CCSER1: variants seen among roughly 807,000 people sequenced by gnomAD.
CCSER1 encodes coiled-coil serine rich protein 1.
A neutral mutation model predicts 82.0 loss-of-function variants in CCSER1; 41 were observed. That is an observed-to-expected ratio of 0.50 (90% CI 0.39 to 0.65). CCSER1 has a LOEUF of 0.65. Among genes scored for constraint, CCSER1 ranks in the 30% least tolerant of loss-of-function variants. The probability of loss-of-function intolerance (pLI) is 0.00; values close to 1 mark genes in which losing one functional copy is unlikely to be tolerated. For synonymous variants in CCSER1, 414 were observed against 383.9 expected, an observed-to-expected ratio of 1.08 and a Z score of -0.92; for missense variants, 1,119 against 1,064.2, an observed-to-expected ratio of 1.05 and a Z score of -0.72.
At chr4:90,455,631 A>G (rs1368097357) in intron 4 of CCSER1, among the ~76,000 whole-genome samples, 1 of 152,204 alleles carries the variant, frequency 6.6e-6, no homozygotes, top group African/African-American at 2.4e-5. Flanking sequence ...TTATATCCCT[A>G]AATCCCCGTG....
chr4:90,477,670 C>T (rs1765299569), intron 5 of CCSER1, among the ~76,000 whole-genome samples: 1 of 151,666 alleles, frequency 6.6e-6, no homozygotes, highest in South Asian at 2.1e-4. Flanking sequence ...AGCCCTTTTA[C>T]AACAAATGTT....
chr4:91,331,788 A>G (rs1162816942), intron 10 of CCSER1, among the ~76,000 whole-genome samples: 1 of 152,166 alleles, frequency 6.6e-6, no homozygotes, highest in African/African-American at 2.4e-5. Flanking sequence ...CTTTATCACA[A>G]GCTGCATGTA....
At chr4:90,448,855 C>T (rs1761059741) in intron 4 of CCSER1, among the ~76,000 whole-genome samples, 1 of 152,016 alleles carries the variant, frequency 6.6e-6, no homozygotes, top group African/African-American at 2.4e-5. Flanking sequence ...TGTTTCAACC[C>T]TGTTTGTGTT....
intron 5 of CCSER1, among the ~76,000 whole-genome samples, chr4:90,473,804 T>C (rs547420066): frequency 2.0e-5 from 3 of 152,206 alleles, no homozygotes; most frequent in African/African-American, 7.2e-5. Context: ...TACTAGCTGA[T>C]CTCCAATTTT....
At chr4:90,864,037 C>G (rs1765428367) in intron 8 of CCSER1, among the ~76,000 whole-genome samples, 2 of 144,112 alleles carry the variant, frequency 1.4e-5, no homozygotes, top group African/African-American at 5.0e-5. Flanking sequence ...GAGCTGTGCT[C>G]TAATATCACT....
intron 1 of CCSER1, among the ~76,000 whole-genome samples, chr4:90,197,315 C>T (rs1298538717): frequency 6.6e-6 from 1 of 152,078 alleles, no homozygotes. Flanking sequence ...TTGGAACCCT[C>T]ATATACTGTT....
At chr4:91,372,014 C>G (rs916259202) in intron 10 of CCSER1, among the ~76,000 whole-genome samples, 1 of 152,114 alleles carries the variant, frequency 6.6e-6, no homozygotes, top group Non-Finnish European at 1.5e-5. Flanking sequence ...TTATTTGTAT[C>G]TACAAAGTTT....
chr4:90,433,349 G>A lies in CCSER1; in HGVS notation c.1603+33220G>A, dbSNP rs566592201. Among the ~76,000 whole-genome samples the A allele has an allele frequency of 1.8e-4, 27 of 152,104 alleles. No individual in the cohort carries two copies. In the South Asian group the frequency reaches 5.6e-3, roughly 32 times the overall value. Reference sequence around the variant, plus strand: ...ATAAATTCTACAGGCTCTTGTAATAGGGATAAAATTGCTCATTATTGACTA... The same window carrying A: ...ATAAATTCTACAGGCTCTTGTAATAAGGATAAAATTGCTCATTATTGACTA... On this transcript the variant is annotated intron_variant, in intron 4 of 10. Transcript: ENST00000509176.
At chr4:91,418,327 C>T (rs1194949707) in intron 10 of CCSER1, among the ~76,000 whole-genome samples, 1 of 97,162 alleles carries the variant, frequency 1.0e-5, no homozygotes, top group African/African-American at 4.0e-5. Context: ...ACAAAATTGA[C>T]AAAACTCCAG....
intron 6 of CCSER1, among the ~76,000 whole-genome samples, chr4:90,634,648 G>A (rs1253853150): frequency 6.6e-6 from 1 of 151,488 alleles, no homozygotes; most frequent in Non-Finnish European, 1.5e-5. Context: ...AAGTCTATAG[G>A]GTAGGAACTT....
intron 1 of CCSER1, among the ~76,000 whole-genome samples, chr4:90,130,235 T>C (rs1266936727): frequency 6.6e-6 from 1 of 152,234 alleles, no homozygotes; most frequent in African/African-American, 2.4e-5. Flanking sequence ...CCTTGTTCCC[T>C]GTCTTTCAGG....
chr4:91,187,122 C>A (rs1054805747), intron 10 of CCSER1, among the ~76,000 whole-genome samples: 1 of 152,194 alleles, frequency 6.6e-6, no homozygotes, highest in Non-Finnish European at 1.5e-5. Context: ...TGAGGTGATG[C>A]CCCACCTTGC....
chr4:91,401,225 T>C (rs1362755769), intron 10 of CCSER1, among the ~76,000 whole-genome samples: 3 of 150,310 alleles, frequency 2.0e-5, no homozygotes, highest in African/African-American at 7.3e-5. Flanking sequence ...TGCAGTTTAA[T>C]ATGGTGAATT....
At chr4:90,285,267 A>C (rs779786289) in intron 1 of CCSER1, among the ~76,000 whole-genome samples, 3 of 152,076 alleles carry the variant, frequency 2.0e-5, no homozygotes, top group Non-Finnish European at 2.9e-5. Flanking sequence ...TGATTCTTCT[A>C]ATTCATGAAC....
At chr4:91,403,069 G>A (rs890975741) in intron 10 of CCSER1, among the ~76,000 whole-genome samples, 5 of 151,932 alleles carry the variant, frequency 3.3e-5, no homozygotes, top group African/African-American at 9.7e-5. Context: ...CTTCTATTTC[G>A]TTGAGCAGTG....
At chr4:90,838,870 A>G (rs1471933894) in intron 8 of CCSER1, 2 of 1,612,060 alleles carry the variant, frequency 1.2e-6, no homozygotes, top group Non-Finnish European at 8.5e-7. Context: ...ATGCTTGTGG[A>G]ATGTACAGTG....
chr4:90,588,400 C>A (rs1450079002), intron 5 of CCSER1, among the ~76,000 whole-genome samples: 1 of 152,194 alleles, frequency 6.6e-6, no homozygotes. Context: ...GATTTAATCT[C>A]AAGAAAACAT....
At chr4:91,109,118 T>G in intron 10 of CCSER1, among the ~76,000 whole-genome samples, 1 of 152,122 alleles carries the variant, frequency 6.6e-6, no homozygotes, top group Admixed American at 6.5e-5. Flanking sequence ...TCTTAGGCAT[T>G]TAGCCTTGGA....
At chr4:90,291,920 T>C (rs1731008131) in intron 1 of CCSER1, among the ~76,000 whole-genome samples, 2 of 152,076 alleles carry the variant, frequency 1.3e-5, no homozygotes, top group South Asian at 2.1e-4. Context: ...ATTATGTAAA[T>C]ATGTTAATTA....
Sources: gnomAD v4.1 joint callset for allele counts (sites outside exome capture counted in the v4.1 genomes callset) on GRCh38, gnomAD v4.1.1 for gene constraint, MANE v1.5 for transcripts, NCBI Gene and HGNC (gene_info 2026-07-23, HGNC 2026-07-21) for gene names.